The following DYNC2H1 variants were observed in gnomAD, a reference collection of about 807,000 sequenced individuals.
DYNC2H1 encodes the protein cytoplasmic dynein 2 heavy chain 1.
DYNC2H1 carries 410 observed loss-of-function variants against 570.0 expected under a neutral mutation model. The ratio of observed to expected loss-of-function variants is 0.72; its 90% CI spans 0.66 to 0.78. The LOEUF is 0.78. Ranked by LOEUF, DYNC2H1 falls within the 30% of genes least tolerant of loss-of-function variation. The pLI is 0.00. For synonymous variants in DYNC2H1, 1,688 were observed against 1,677.6 expected (o/e 1.01, Z -0.15); for missense variants, 4,865 against 5,046.4 (o/e 0.96, Z 1.09).
At chr11:103,414,014 T>C (rs1186015140) in intron 84 of DYNC2H1, among the ~76,000 whole-genome samples, 5 of 151,808 alleles carry the variant, frequency 3.3e-5, no homozygotes, top group Non-Finnish European at 5.9e-5. Flanking sequence ...AGAAGTTTTA[T>C]CATTATTATT....
In DYNC2H1 at chr11:103,287,600, C is replaced by T; in HGVS notation, c.11090C>T (p.Thr3697Ile). The T allele has an allele frequency of 6.2e-7, 1 of 1,611,222 alleles. No individual in the cohort carries two copies. Among genetic ancestry groups the T allele is most frequent in the East Asian group, 2.2e-5 (1 of 44,782 alleles). Reference sequence around the variant, plus strand: ...GCCATGGCTCTTTTTGCATGTAAAACTCTGGGTAAGTGTGATGCTTTTCAA... The same window carrying T: ...GCCATGGCTCTTTTTGCATGTAAAATTCTGGGTAAGTGTGATGCTTTTCAA... ...QSAMALFACK[T>I]LGLKEVSPLP... Residue 3697 changes from threonine to isoleucine, a missense_variant, in exon 75 of 89, where the codon ACT becomes ATT. By Grantham distance (89) the Thr-to-Ile change is moderately conservative. Coordinates refer to ENST00000375735, the MANE Select transcript of DYNC2H1 (RefSeq NM_001377.3).
In DYNC2H1 at chr11:103,170,222, A is replaced by G. The variant is rs1431621997; in HGVS notation, c.5083A>G (p.Lys1695Glu). ...GNPYGPAGTGKTESVKALGGL... is the reference protein window; with the variant it reads ...GNPYGPAGTGETESVKALGGL... ...TCCTTATGGACCAGCTGGAACTGGG[A>G]AAACGGAATCAGTAAAGGCTTTAGG... The change falls in exon 33 of 89, where the codon AAA becomes GAA. Residue 1695 changes from lysine to glutamate, a missense_variant. This residue lies in a region of DYNC2H1 where 5 missense variants were observed against 19.1 expected (regional missense o/e 0.26). Coordinates refer to ENST00000375735, the MANE Select transcript of DYNC2H1 (RefSeq NM_001377.3). This position sits in a 1 kb window ranked among gnomAD's most constrained non-coding sequence, Gnocchi z 4.8. 1 of 1,612,380 alleles carries G rather than the reference A, an allele frequency of 6.2e-7. No homozygotes were observed.
chr11:103,191,338 C>T (rs925497050), intron 45 of DYNC2H1, among the ~76,000 whole-genome samples, 179 bp from the exon 46 acceptor site: 1 of 152,062 alleles, frequency 6.6e-6, no homozygotes, highest in Admixed American at 6.6e-5. Context: ...TGCGCCCGAC[C>T]AGAATGTTTT....
Position 103,158,971 on chromosome 11 carries a change from T to C in DYNC2H1, c.4322T>C (p.Leu1441Ser). Residue 1441 changes from leucine to serine, a missense_variant, in exon 28 of 89, where the codon TTG becomes TCG. This residue lies in a region of DYNC2H1 where 1,936 missense variants were observed against 1,962.1 expected (regional missense o/e 0.99). Transcript: ENST00000375735. ...GGTGATGATGACTTATTAGAAATAT[T>C]GGGCCAGTCTACCAACCCATCAGTG... The part of the protein sequence containing the change: ...FIGDDDLLEI[L>S]GQSTNPSVIQ... 6.2e-7 allele frequency: 1 copy of C among 1,613,646 alleles called. No homozygotes were observed. Among genetic ancestry groups the C allele is most frequent in the African/African-American group, 1.3e-5 (1 of 75,052 alleles).
chr11:103,137,361 T>G (rs1859623984), intron 17 of DYNC2H1, among the ~76,000 whole-genome samples: 1 of 151,440 alleles, frequency 6.6e-6, no homozygotes, highest in Admixed American at 6.6e-5. Flanking sequence ...TGGTTTTAGC[T>G]CTAACGTTTA....
At chr11:103,428,677 TTC>T (rs1190764777) in intron 84 of DYNC2H1, among the ~76,000 whole-genome samples, 1 of 152,186 alleles carries the variant, frequency 6.6e-6, no homozygotes, top group African/African-American at 2.4e-5. Context: ...ACCATCTACT[TTC>T]TGTCTCTGTG....
chr11:103,160,673 A>G (rs1188684034), intron 28 of DYNC2H1, among the ~76,000 whole-genome samples: 1 of 152,040 alleles, frequency 6.6e-6, no homozygotes, highest in Non-Finnish European at 1.5e-5. Flanking sequence ...CACAAATTTC[A>G]CCAGTGAATC....
chr11:103,226,300 A>C (rs1863798488), intron 59 of DYNC2H1, among the ~76,000 whole-genome samples: 2 of 94,684 alleles, frequency 2.1e-5, no homozygotes. Context: ...TCCAGTTCTC[A>C]TGGGGAATGC....
chr11:103,358,253 A>G lies in DYNC2H1; in HGVS notation c.12050A>G (p.Gln4017Arg). ...TATTTTTTTATTCAGGTTATTTCAC[A>G]GTTGAGGATTTTGGGCAGATCCATA... ...QRMISSQVIS[Q>R]LRILGRSITA... The change falls in exon 83 of 89, where the codon CAG (glutamine) becomes CGG (arginine). Residue 4017 changes from glutamine to arginine, a missense_variant. This residue lies in a region of DYNC2H1 where 2,401 missense variants were observed against 2,454.6 expected (regional missense o/e 0.98). Coordinates refer to ENST00000375735, the MANE Select transcript of DYNC2H1 (RefSeq NM_001377.3). 5 of 1,568,350 alleles carry G rather than the reference A, an allele frequency of 3.2e-6. No homozygotes were observed. The highest frequency in any genetic ancestry group is 4.3e-6 in the Non-Finnish European group (5 of 1,153,842).
chr11:103,436,197 ATTTTTTT>A (rs140294172), intron 85 of DYNC2H1, among the ~76,000 whole-genome samples, 165 bp downstream of exon 85: 3 of 145,076 alleles, frequency 2.1e-5, no homozygotes, highest in Admixed American at 6.8e-5. Context: ...GCACTGTTCT[ATTTTTTT>A]TTTTTTTTTA....
chr11:103,161,103 G>A (rs1033842317), intron 29 of DYNC2H1, 59 bp downstream of exon 29: 1 of 976,134 alleles, frequency 1.0e-6, no homozygotes. Flanking sequence ...TGAACTTTGT[G>A]TCTAAAATAA....
Position 103,184,954 on chromosome 11 carries a change from T to C in DYNC2H1, c.6536T>C (p.Leu2179Pro). Residue 2179 changes from leucine to proline, a missense_variant, in exon 41 of 89, where the codon CTA becomes CCA. Coordinates refer to ENST00000375735, the MANE Select transcript of DYNC2H1 (RefSeq NM_001377.3). ...ACTGTGATGAATGGTTTGTCACATCTACATGGTTGCAGAGATCATGACGAA... is the reference window on the plus strand; with the variant it reads ...ACTGTGATGAATGGTTTGTCACATCCACATGGTTGCAGAGATCATGACGAA... ...VGTVMNGLSHLHGCRDHDEFI... is the reference protein window; with the variant it reads ...VGTVMNGLSHPHGCRDHDEFI... 6.2e-7 allele frequency: 1 copy of C among 1,611,366 alleles called. No individual in the cohort carries two copies. Among genetic ancestry groups the C allele is most frequent in the African/African-American group, 1.3e-5 (1 of 74,916 alleles).
rs1005056800 is a variant in DYNC2H1 at position 103,151,615 on chromosome 11, T to G, written c.2947-521T>G. On this transcript the variant is annotated intron_variant, in intron 20 of 88. Transcript: ENST00000375735. The surrounding 1 kb of genome is among the most constrained non-coding windows in gnomAD (Gnocchi z 4.6). ...TAACAAACTGTTAGCTATATACAACTTAGGGCACTTCAGTTAAAAACCCTG... is the reference window on the plus strand; with the variant it reads ...TAACAAACTGTTAGCTATATACAACGTAGGGCACTTCAGTTAAAAACCCTG... Among the ~76,000 whole-genome samples the G allele has an allele frequency of 3.3e-5, 5 of 152,190 alleles. No individual in the cohort carries two copies. Among genetic ancestry groups the G allele is most frequent in the Non-Finnish European group, 7.4e-5 (5 of 68,022 alleles).
chr11:103,378,864 A>G (rs952701519), intron 83 of DYNC2H1, among the ~76,000 whole-genome samples: 3 of 152,126 alleles, frequency 2.0e-5, no homozygotes, highest in African/African-American at 7.2e-5. Flanking sequence ...AATTAATCTG[A>G]TTCTTATTTC....
intron 70 of DYNC2H1, among the ~76,000 whole-genome samples, chr11:103,269,765 A>T (rs1326374653): frequency 2.6e-5 from 4 of 152,200 alleles, no homozygotes; most frequent in Admixed American, 2.0e-4. Context: ...CCTAAAACTT[A>T]TGTTTATAAT....
rs781542569 is a variant in DYNC2H1, at chr11:103,116,559, T to G, written c.622-11T>G. 2.6e-6 allele frequency: 4 copies of G among 1,567,202 alleles called. No homozygotes were observed. The stretch of plus-strand genomic sequence containing the variant: ...ATAATTATGTTTAAAAATTAATGCA[T>G]TTTTTTCTAGGAGTTTTATAACTTG... On this transcript the variant is annotated splice_polypyrimidine_tract_variant and intron_variant, in intron 4 of 88. Coordinates refer to ENST00000375735, the MANE Select transcript of DYNC2H1 (RefSeq NM_001377.3).
At chr11:103,271,195 G>A (rs1004097468) in intron 70 of DYNC2H1, among the ~76,000 whole-genome samples, 1 of 152,190 alleles carries the variant, frequency 6.6e-6, no homozygotes, top group Non-Finnish European at 1.5e-5. Context: ...TGAAAAAGTG[G>A]AAGTTCTGTG....
chr11:103,423,432 A>C (rs3021471), intron 84 of DYNC2H1, among the ~76,000 whole-genome samples: 4 of 147,628 alleles, frequency 2.7e-5, no homozygotes, highest in Non-Finnish European at 4.5e-5. Context: ...AAAAAAAAAA[A>C]AAAAAACCCT....
chr11:103,464,481 A>G (rs2135836167), intron 87 of DYNC2H1, among the ~76,000 whole-genome samples: 1 of 152,310 alleles, frequency 6.6e-6, no homozygotes, highest in East Asian at 1.9e-4. Flanking sequence ...CCAGAATTGG[A>G]GAATGATGAG....
Sources: gnomAD v4.1 joint callset for allele counts (sites outside exome capture counted in the v4.1 genomes callset) on GRCh38, gnomAD v4.1.1 for gene constraint, gnomAD v4.1.1 regional missense constraint, Gnocchi (gnomAD v3.1) non-coding constraint, MANE v1.5 for transcripts, NCBI Gene and HGNC (gene_info 2026-07-23, HGNC 2026-07-21) for gene names.